Variants in IGSF10 observed in about 807,000 individuals in gnomAD.
IGSF10 encodes immunoglobulin superfamily member 10, also known as calvaria mechanical force protein 608.
In IGSF10, 126 loss-of-function variants were observed where a neutral mutation model predicts 128.2. That is an observed-to-expected ratio of 0.98 (90% confidence interval 0.85 to 1.14). IGSF10 has a LOEUF of 1.14. Among genes scored for constraint, IGSF10 ranks in the 50% most tolerant of loss-of-function variants. The pLI is 0.00. For missense variants in IGSF10, 3,295 were observed against 3,149.8 expected (o/e 1.05, Z -1.10); for synonymous variants, 1,185 against 1,146.2 (o/e 1.03, Z -0.68).
the IGSF10 span, among the ~76,000 whole-genome samples, chr3:151,541,783 T>A: frequency 6.6e-6 from 1 of 152,106 alleles, no homozygotes; most frequent in Admixed American, 6.6e-5. Flanking sequence ...TATGTGTGGA[T>A]GAGTGGATAG....
chr3:151,462,191 G>T (rs563034778), upstream of IGSF10, among the ~76,000 whole-genome samples: 8 of 152,156 alleles, frequency 5.3e-5, no homozygotes, highest in African/African-American at 1.9e-4. Context: ...TTCCTTCCAC[G>T]TAGTTACATA....
chr3:151,568,965 C>T, the IGSF10 span, among the ~76,000 whole-genome samples: 7 of 152,160 alleles, frequency 4.6e-5, no homozygotes, highest in Admixed American at 2.6e-4. Context: ...GCACAGCCCC[C>T]GAAAAGAAGA....
the IGSF10 span, among the ~76,000 whole-genome samples, chr3:151,496,036 T>C: frequency 6.6e-6 from 1 of 152,094 alleles, no homozygotes. Flanking sequence ...TACAGTGCCA[T>C]TAGAGGAAAA....
chr3:151,446,319 T>C lies in IGSF10; in HGVS notation c.3662A>G (p.Asn1221Ser). Residue 1221 changes from asparagine (N) to serine (S), a missense_variant, in exon 6 of 8, where the codon AAT (asparagine) becomes AGT (serine). Coordinates refer to ENST00000282466, the MANE Select transcript of IGSF10 (RefSeq NM_178822.5). ...TTTTTGTAAACTAACTTTATGTTGATTCCTTAATCTGCCTTTTGGGTTATG... is the reference window on the plus strand; with the variant it reads ...TTTTTGTAAACTAACTTTATGTTGACTCCTTAATCTGCCTTTTGGGTTATG... ...NNHNPKGRLRNQHKVSLQKST... is the reference protein window; with the variant it reads ...NNHNPKGRLRSQHKVSLQKST... The C allele has an allele frequency of 6.2e-7, 1 of 1,614,110 alleles. No homozygotes were observed. Among genetic ancestry groups the C allele is most frequent in the Non-Finnish European group, 8.5e-7 (1 of 1,179,926 alleles).
chr3:151,553,689 C>A, the IGSF10 span, among the ~76,000 whole-genome samples: 1 of 151,240 alleles, frequency 6.6e-6, no homozygotes, highest in Admixed American at 6.6e-5. Flanking sequence ...ATTTTTTCAT[C>A]TTCTGAGTTT....
chr3:151,512,770 G>C, the IGSF10 span, among the ~76,000 whole-genome samples: 3 of 152,102 alleles, frequency 2.0e-5, no homozygotes, highest in Non-Finnish European at 4.4e-5. Context: ...AATAAAAAAT[G>C]ACAAAGGGGA....
the IGSF10 span, among the ~76,000 whole-genome samples, chr3:151,549,934 G>C: frequency 6.6e-6 from 1 of 151,998 alleles, no homozygotes; most frequent in Non-Finnish European, 1.5e-5. Flanking sequence ...ATTAATAACA[G>C]CCTCTGAAAA....
the IGSF10 span, among the ~76,000 whole-genome samples, chr3:151,529,221 T>C: frequency 1.3e-5 from 2 of 152,198 alleles, no homozygotes; most frequent in African/African-American, 4.8e-5. Context: ...GACTTGTAGA[T>C]AAAACTCCCA....
At chr3:151,554,321 T>A in the IGSF10 span, among the ~76,000 whole-genome samples, 2 of 152,128 alleles carry the variant, frequency 1.3e-5, no homozygotes, top group African/African-American at 4.8e-5. Flanking sequence ...AATAAAAAAA[T>A]TATATACTTT....
chr3:151,573,176 G>A, the IGSF10 span, among the ~76,000 whole-genome samples: 5 of 152,244 alleles, frequency 3.3e-5, no homozygotes, highest in Non-Finnish European at 5.9e-5. Flanking sequence ...CAATAAGTGC[G>A]ATGTGGTGCT....
At chr3:151,601,740 C>CT in the IGSF10 span, among the ~76,000 whole-genome samples, 1 of 152,198 alleles carries the variant, frequency 6.6e-6, no homozygotes, top group Non-Finnish European at 1.5e-5. Context: ...TACACATGCA[C>CT]TTTGGTAAAT....
At chr3:151,525,816 T>C in the IGSF10 span, among the ~76,000 whole-genome samples, 1 of 152,196 alleles carries the variant, frequency 6.6e-6, no homozygotes, top group African/African-American at 2.4e-5. Context: ...ATAATCTCCC[T>C]TCCGATTAAC....
At chr3:151,614,058 A>C in the IGSF10 span, among the ~76,000 whole-genome samples, 6 of 152,256 alleles carry the variant, frequency 3.9e-5, no homozygotes, top group African/African-American at 1.4e-4. Context: ...CAGGCAAAAA[A>C]CACATGAAAA....
chr3:151,512,123 A>T, the IGSF10 span, among the ~76,000 whole-genome samples: 2 of 152,336 alleles, frequency 1.3e-5, no homozygotes, highest in African/African-American at 4.8e-5. Context: ...CCTAATAGAC[A>T]TCTACAGAAC....
chr3:151,443,490 T>C lies in IGSF10; in HGVS notation c.5457A>G (p.Lys1819=). The change falls in exon 7 of 8, where the codon AAA becomes AAG. Residue 1819 remains lysine, a synonymous_variant. Transcript: ENST00000282466. ...GGCCACCTGGGTTGCTGGCCACACA[T>C]TTGTAAAAGCCACGGTCATAAATAC... ...NLSIYDRGFY[K]CVASNPGGQD... 1 of 1,614,192 alleles carries C rather than the reference T, an allele frequency of 6.2e-7. No homozygotes were observed.
the IGSF10 span, among the ~76,000 whole-genome samples, chr3:151,548,202 A>G: frequency 1.1e-4 from 17 of 152,178 alleles, no homozygotes; most frequent in Non-Finnish European, 2.2e-4. Context: ...AAGTGGCAAT[A>G]TAAGAAGTCT....
the IGSF10 span, among the ~76,000 whole-genome samples, chr3:151,505,089 C>A: frequency 3.3e-5 from 5 of 152,142 alleles, no homozygotes; most frequent in Non-Finnish European, 4.4e-5. Context: ...CCTATAGTAG[C>A]ACCCCACTCT....
chr3:151,442,923 TCAGAAG>T, intron 7 of IGSF10, 55 bp downstream of exon 7: 1 of 1,462,274 alleles, frequency 6.8e-7, no homozygotes. Flanking sequence ...TTTTTCCATT[TCAGAAG>T]TTGTACAGCT....
chr3:151,585,982 A>ATTT, the IGSF10 span, among the ~76,000 whole-genome samples: 15 of 141,932 alleles, frequency 1.1e-4, no homozygotes, highest in African/African-American at 2.8e-4. Context: ...CACATTAACC[A>ATTT]TTTTTTTTTT....
Sources: allele counts gnomAD v4.1 joint callset (sites outside exome capture counted in the v4.1 genomes callset), GRCh38; gene constraint gnomAD v4.1.1; transcripts MANE v1.5; gene names NCBI Gene and HGNC (gene_info 2026-07-23, HGNC 2026-07-21).